Variants in TRDN observed in about 807,000 individuals in gnomAD.
The protein encoded by TRDN is triadin, also known as triadin in skeletal muscle.
TRDN carries 161 observed loss-of-function variants against 149.7 expected under a neutral mutation model. The observed-to-expected ratio is 1.08, with a 90% CI of 0.95 to 1.23. The LOEUF (loss-of-function observed/expected upper bound fraction) is 1.23. Among genes scored for constraint, TRDN ranks in the 50% most tolerant of loss-of-function variants. The pLI, the probability that TRDN is intolerant of heterozygous loss-of-function variation, is 0.00. For missense variants in TRDN, 896 were observed against 823.5 expected (o/e 1.09, Z -1.08); for synonymous variants, 294 against 250.5 (o/e 1.17, Z -1.64).
intron 1 of TRDN, among the ~76,000 whole-genome samples, chr6:123,617,072 T>C (rs756932790): frequency 9.9e-5 from 15 of 152,198 alleles, no homozygotes; most frequent in Admixed American, 2.0e-4. Flanking sequence ...GACATGACTA[T>C]GGGTTTCATG....
intron 24 of TRDN, among the ~76,000 whole-genome samples, chr6:123,285,096 T>C (rs1044992851): frequency 2.0e-5 from 3 of 151,718 alleles, no homozygotes; most frequent in Non-Finnish European, 4.4e-5. Flanking sequence ...AGAATCAATA[T>C]GTGAAAATGA....
chr6:123,265,628 T>C (rs1202332805), intron 32 of TRDN, among the ~76,000 whole-genome samples: 1 of 148,828 alleles, frequency 6.7e-6, no homozygotes, highest in Non-Finnish European at 1.5e-5. Flanking sequence ...CTCACAAAAA[T>C]CTGAACTTCT....
intron 1 of TRDN, among the ~76,000 whole-genome samples, chr6:123,634,306 T>C (rs1786176183): frequency 6.6e-6 from 1 of 151,694 alleles, no homozygotes; most frequent in African/African-American, 2.4e-5. Flanking sequence ...CCAGGCATGG[T>C]GGTGCACACC....
chr6:123,349,955 C>G, intron 21 of TRDN: 2 of 985,262 alleles, frequency 2.0e-6, no homozygotes, highest in Non-Finnish European at 2.4e-6. Context: ...TACAGAATAG[C>G]ATCAAAAGCA....
Position 123,536,366 on chromosome 6 carries a change from G to T in TRDN, c.425-5801C>A, listed in dbSNP as rs144158763. ...CAATTCTTGCATATTTTAGAAGGTG[G>T]TGATGGATCATATTTTACTTGTTTT... On this transcript the variant is annotated intron_variant, in intron 4 of 40. Coordinates refer to ENST00000334268, the MANE Select transcript of TRDN (RefSeq NM_006073.4). Among the ~76,000 whole-genome samples, 282 of 152,048 alleles carry T rather than the reference G, an allele frequency of 1.9e-3. 1 individual carries two copies. The highest frequency in any genetic ancestry group is 6.5e-3 in the African/African-American group (270 of 41,474).
At chr6:123,266,186 T>G (rs868082613) in intron 32 of TRDN, among the ~76,000 whole-genome samples, 2 of 84,852 alleles carry the variant, frequency 2.4e-5, no homozygotes, top group South Asian at 7.2e-4. Flanking sequence ...ATTATATATA[T>G]TATAATATGT....
chr6:123,540,499 A>G (rs1268031923), intron 4 of TRDN, among the ~76,000 whole-genome samples: 1 of 151,122 alleles, frequency 6.6e-6, no homozygotes, highest in Non-Finnish European at 1.5e-5. Context: ...CCTTTTAATC[A>G]CTTGAACAGA....
intron 12 of TRDN, among the ~76,000 whole-genome samples, chr6:123,402,341 A>G (rs73771949): frequency 0.15 from 22,859 of 152,172 alleles, 1,786 homozygotes; most frequent in African/African-American, 0.21. Flanking sequence ...GATTTAACCA[A>G]TCAAGCTATT....
chr6:123,487,513 G>A (rs186406904), intron 9 of TRDN, among the ~76,000 whole-genome samples: 55 of 151,598 alleles, frequency 3.6e-4, no homozygotes, highest in Admixed American at 2.6e-3. Flanking sequence ...TCTCATTTCC[G>A]ATCCCATAAA....
chr6:123,484,006 A>T (rs1337395827), intron 9 of TRDN, among the ~76,000 whole-genome samples: 1 of 152,196 alleles, frequency 6.6e-6, no homozygotes, highest in Admixed American at 6.5e-5. Flanking sequence ...ATTGACTAAA[A>T]ACTGTTGAGC....
intron 4 of TRDN, 22 bp from the exon 5 acceptor site, chr6:123,530,587 A>C: frequency 8.3e-7 from 1 of 1,197,770 alleles, no homozygotes; most frequent in Non-Finnish European, 1.1e-6. Flanking sequence ...TAGAATTTAT[A>C]ATTTTAAAAC....
In TRDN at chr6:123,433,900, A is replaced by G. The variant is rs560828208; in HGVS notation, c.1051+4163T>C. ...AATTGTTTTGTTATGAGACAAGTCA[A>G]CTTGTTAATTGTTCAAATATTATAA... On this transcript the variant is annotated intron_variant, in intron 12 of 40. Coordinates refer to ENST00000334268, the MANE Select transcript of TRDN (RefSeq NM_006073.4). 2.6e-5 allele frequency: 4 copies of G among 152,324 alleles called. No individual in the cohort carries two copies. The South Asian group carries it at 8.3e-4, about 32-fold the overall frequency. 9.4% of individuals were successfully genotyped at this position (152,324 alleles called of 1,614,324 possible).
chr6:123,315,735 A>C (rs961934459), intron 24 of TRDN, among the ~76,000 whole-genome samples: 1 of 151,882 alleles, frequency 6.6e-6, no homozygotes, highest in Non-Finnish European at 1.5e-5. Context: ...CCATAGAAAG[A>C]CTATAATTGA....
intron 24 of TRDN, among the ~76,000 whole-genome samples, chr6:123,285,984 A>C (rs1777791345): frequency 6.6e-6 from 1 of 152,066 alleles, no homozygotes; most frequent in Admixed American, 6.6e-5. Context: ...ATACCACCTT[A>C]CTCCTGCAAG....
In TRDN at chr6:123,356,610, A is replaced by G. The variant is rs954019074; in HGVS notation, c.1322-4024T>C. Among the ~76,000 whole-genome samples the G allele has an allele frequency of 3.4e-5, 5 of 146,712 alleles. No homozygotes were observed. In the South Asian group the frequency reaches 1.1e-3, roughly 31 times the overall value. On this transcript the variant is annotated intron_variant, in intron 20 of 40. Transcript: ENST00000334268. The stretch of plus-strand genomic sequence containing the variant: ...TTCTAACCCCATATAATGAGAGAAT[A>G]TTACCTCTTTTTCTATTCTCTGGAA...
chr6:123,477,860 G>A (rs189178315), intron 9 of TRDN, among the ~76,000 whole-genome samples: 14 of 146,658 alleles, frequency 9.5e-5, no homozygotes, highest in African/African-American at 3.6e-4. Context: ...ATTGAACGAT[G>A]AGATCACATG....
At chr6:123,585,401 G>C (rs1429536371) in intron 1 of TRDN, among the ~76,000 whole-genome samples, 1 of 152,078 alleles carries the variant, frequency 6.6e-6, no homozygotes, top group African/African-American at 2.4e-5. Flanking sequence ...ATGGAGGCAA[G>C]GGAAACAGGC....
At chr6:123,230,260 C>T (rs1226186487) in intron 38 of TRDN, among the ~76,000 whole-genome samples, 6 of 151,850 alleles carry the variant, frequency 4.0e-5, no homozygotes, top group Admixed American at 3.9e-4. Flanking sequence ...ACCTGGAAAC[C>T]ATCATTCTCA....
intron 1 of TRDN, among the ~76,000 whole-genome samples, chr6:123,576,353 G>T (rs1782858562): frequency 1.3e-5 from 2 of 152,012 alleles, no homozygotes; most frequent in Admixed American, 1.3e-4. Context: ...GCCCTAAATT[G>T]CCACCTTTTC....
Sources: allele counts gnomAD v4.1 joint callset (sites outside exome capture counted in the v4.1 genomes callset), GRCh38; gene constraint gnomAD v4.1.1; transcripts MANE v1.5; gene names NCBI Gene and HGNC (gene_info 2026-07-23, HGNC 2026-07-21).